FOXO3: variants seen among roughly 807,000 people sequenced by gnomAD.
The protein encoded by FOXO3 is forkhead box O3, also known as forkhead box protein O3.
In FOXO3, 4 loss-of-function variants were observed where a neutral mutation model predicts 41.9. The ratio of observed to expected loss-of-function variants is 0.10; its 90% CI spans 0.05 to 0.22. FOXO3 has a LOEUF of 0.22. Among genes scored for constraint, FOXO3 ranks in the 10% least tolerant of loss-of-function variants. The pLI, the probability that FOXO3 is intolerant of heterozygous loss-of-function variation, is 1.00. For missense variants in FOXO3, 534 were observed against 906.8 expected, an observed-to-expected ratio of 0.59 and a Z score of 5.28; for synonymous variants, 318 against 389.3, an observed-to-expected ratio of 0.82 and a Z score of 2.16.
At chr6:108,632,333 C>T (rs1777994763) in intron 1 of FOXO3, among the ~76,000 whole-genome samples, 1 of 152,092 alleles carries the variant, frequency 6.6e-6, no homozygotes, top group South Asian at 2.1e-4. Flanking sequence ...AGGTCAACAG[C>T]CAGTTTCTCT....
chr6:108,634,802 TTAAGAA>T (rs1358845971), intron 1 of FOXO3, among the ~76,000 whole-genome samples: 4 of 152,214 alleles, frequency 2.6e-5, no homozygotes, highest in African/African-American at 9.6e-5. Context: ...TATTTGAAAC[TTAAGAA>T]TAAATATTTT....
At chr6:108,648,101 A>G (rs1778443470) in intron 1 of FOXO3, among the ~76,000 whole-genome samples, 1 of 152,178 alleles carries the variant, frequency 6.6e-6, no homozygotes. Flanking sequence ...ACCTCTGCCA[A>G]GGTAAAATTG....
intron 1 of FOXO3, among the ~76,000 whole-genome samples, chr6:108,597,221 A>T (rs936310001): frequency 1.3e-5 from 2 of 152,218 alleles, no homozygotes; most frequent in African/African-American, 4.8e-5. Context: ...CCATGGCTAG[A>T]TGAGAAAGAG....
intron 1 of FOXO3, among the ~76,000 whole-genome samples, chr6:108,590,974 A>G (rs1776717689): frequency 6.6e-6 from 1 of 152,140 alleles, no homozygotes; most frequent in African/African-American, 2.4e-5. Flanking sequence ...CAGAGTGCCA[A>G]ACTAGTTAAT....
At chr6:108,641,484 C>G (rs1203673334) in intron 1 of FOXO3, among the ~76,000 whole-genome samples, 1 of 152,082 alleles carries the variant, frequency 6.6e-6, no homozygotes, top group African/African-American at 2.4e-5. Flanking sequence ...AACTCTAAAG[C>G]CTCTTACCAT....
intron 2 of FOXO3, among the ~76,000 whole-genome samples, chr6:108,674,853 C>T (rs1272965740): frequency 6.6e-6 from 1 of 152,156 alleles, no homozygotes; most frequent in East Asian, 1.9e-4. Context: ...AGGATCCAGA[C>T]ACCCTTTAAA....
At chr6:108,597,679 CT>C (rs2128365281) in intron 1 of FOXO3, among the ~76,000 whole-genome samples, 1 of 152,242 alleles carries the variant, frequency 6.6e-6, no homozygotes, top group Non-Finnish European at 1.5e-5. Context: ...GTTTCAATAA[CT>C]TTTTTATACT....
At chr6:108,570,514 A>C (rs1776069341) in intron 1 of FOXO3, among the ~76,000 whole-genome samples, 1 of 151,666 alleles carries the variant, frequency 6.6e-6, no homozygotes, top group African/African-American at 2.4e-5. Context: ...TTTTGTAGAG[A>C]TATGAGGTCT....
intron 2 of FOXO3, among the ~76,000 whole-genome samples, chr6:108,672,180 T>C (rs748300887): frequency 2.5e-4 from 38 of 152,290 alleles, no homozygotes; most frequent in Non-Finnish European, 4.7e-4. Flanking sequence ...TAAAGAGCCA[T>C]TGCAGTCCCT....
chr6:108,575,267 T>C (rs1043666402), intron 1 of FOXO3, among the ~76,000 whole-genome samples: 1 of 152,092 alleles, frequency 6.6e-6, no homozygotes, highest in African/African-American at 2.4e-5. Flanking sequence ...TCATAAATTA[T>C]CAGCATAATT....
At chr6:108,561,881 C>T (rs780065243) in intron 1 of FOXO3, 52 bp downstream of exon 1, 8 of 1,484,176 alleles carry the variant, frequency 5.4e-6, no homozygotes, top group South Asian at 1.4e-5. Context: ...TCCTGCGCAG[C>T]GCGAGACGCG....
In FOXO3 at chr6:108,561,162, G is replaced by C. The variant is rs1009976123; in HGVS notation, c.-47G>C. The C allele has an allele frequency of 1.4e-5, 21 of 1,509,034 alleles. No individual in the cohort carries two copies. The African/African-American group carries it at 2.5e-4, about 18-fold the overall frequency. 93.5% of individuals were successfully genotyped at this position (1,509,034 alleles called of 1,614,324 possible). On this transcript the variant is annotated 5_prime_UTR_variant, in exon 1 of 3. Coordinates refer to ENST00000406360, the MANE Select transcript of FOXO3 (RefSeq NM_001455.4). ...CCCCCGCTGCACCCCGCCCCGGCGC[G>C]AGAGGAGAGCGCGAGAGCCCCAGCC...
chr6:108,603,966 A>AT (rs1292008277), intron 1 of FOXO3, among the ~76,000 whole-genome samples: 3 of 152,118 alleles, frequency 2.0e-5, no homozygotes, highest in East Asian at 1.9e-4. Flanking sequence ...TCCTAGAATA[A>AT]TTTTTTTACT....
At chr6:108,672,039 A>G (rs1779229308) in intron 2 of FOXO3, among the ~76,000 whole-genome samples, 1 of 152,198 alleles carries the variant, frequency 6.6e-6, no homozygotes, top group Non-Finnish European at 1.5e-5. Flanking sequence ...GTCCTGCTGA[A>G]GGAGATGCCC....
intron 1 of FOXO3, among the ~76,000 whole-genome samples, chr6:108,593,065 G>A (rs761505694): frequency 2.6e-5 from 4 of 152,196 alleles, no homozygotes; most frequent in African/African-American, 9.6e-5. Context: ...TAAAGTTCAA[G>A]TTCTCCATGT....
chr6:108,660,715 A>G (rs565336114), intron 1 of FOXO3, among the ~76,000 whole-genome samples: 35 of 152,226 alleles, frequency 2.3e-4, no homozygotes, highest in African/African-American at 8.4e-4. Context: ...TAGTTAAAAT[A>G]CAAAAATTAG....
At chr6:108,655,776 G>A (rs1263921699) in intron 1 of FOXO3, among the ~76,000 whole-genome samples, 1 of 152,180 alleles carries the variant, frequency 6.6e-6, no homozygotes, top group African/African-American at 2.4e-5. Flanking sequence ...CCTGTGGCAC[G>A]CAGACCTCTG....
chr6:108,645,601 C>G (rs900898194), intron 1 of FOXO3, among the ~76,000 whole-genome samples: 3 of 151,998 alleles, frequency 2.0e-5, no homozygotes, highest in Non-Finnish European at 2.9e-5. Flanking sequence ...AACTTCAGGG[C>G]CAGGAGGATT....
chr6:108,569,145 A>G (rs1160791220), intron 1 of FOXO3, among the ~76,000 whole-genome samples: 2 of 152,212 alleles, frequency 1.3e-5, no homozygotes, highest in East Asian at 3.8e-4. Context: ...TTTTCTGTCC[A>G]TGGATTGGGA....
Sources: allele counts gnomAD v4.1 joint callset (sites outside exome capture counted in the v4.1 genomes callset), GRCh38; gene constraint gnomAD v4.1.1; transcripts MANE v1.5; gene names NCBI Gene and HGNC (gene_info 2026-07-23, HGNC 2026-07-21).